Variants in ZNF74 observed in about 807,000 individuals in gnomAD.
ZNF74 encodes the protein zinc finger protein 520.
A neutral mutation model predicts 17.7 loss-of-function variants in ZNF74; 12 were observed. The observed-to-expected ratio is 0.68, with a 90% CI of 0.43 to 1.10. ZNF74 has a LOEUF of 1.10. ZNF74 is among the 50% of genes least tolerant of loss of function. ZNF74 has a pLI of 0.00. For synonymous variants in ZNF74, 358 were observed against 362.1 expected (o/e 0.99, Z 0.13); for missense variants, 811 against 881.0 (o/e 0.92, Z 1.01).
intron 1 of ZNF74, chr22:20,395,112 G>T (rs2052278059): frequency 4.0e-6 from 2 of 494,244 alleles, no homozygotes; most frequent in East Asian, 3.3e-5. Flanking sequence ...GCTTGATTGG[G>T]GGTAGCAGCT....
At chr22:20,395,508 C>T in intron 2 of ZNF74, 90 bp downstream of exon 2, 1 of 985,348 alleles carries the variant, frequency 1.0e-6, no homozygotes, top group Non-Finnish European at 1.6e-6. Context: ...CAGACCTTCA[C>T]CCGGGTACCT....
Position 20,407,272 on chromosome 22 carries a change from T to A in ZNF74, c.*304T>A. 1 of 372,798 alleles carries A rather than the reference T, an allele frequency of 2.7e-6. No homozygotes were observed. The highest frequency in any genetic ancestry group is 4.9e-6 in the Non-Finnish European group (1 of 203,000). 23.1% of individuals were successfully genotyped at this position (372,798 alleles called of 1,614,324 possible). Reference sequence around the variant, plus strand: ...CTTTCTTGCCAATAAAAAGAAGGGATATCGTTGGGTGCCATGGCTCACACC... The same window carrying A: ...CTTTCTTGCCAATAAAAAGAAGGGAAATCGTTGGGTGCCATGGCTCACACC... On this transcript the variant is annotated 3_prime_UTR_variant, in exon 5 of 5. Coordinates refer to ENST00000400451, the MANE Select transcript of ZNF74 (RefSeq NM_003426.4).
At position 20,394,343 on chromosome 22, in the gene ZNF74, G is replaced by C; in HGVS notation, c.-286G>C. On this transcript the variant is annotated 5_prime_UTR_variant, in exon 1 of 5. Coordinates refer to ENST00000400451, the MANE Select transcript of ZNF74 (RefSeq NM_003426.4). ...CTGGTCTCCGAGCGCGGGTTCGCCG[G>C]GAGGAGCGTGTGGCGGGGGTGTGCC... 1 of 694,884 alleles carries C rather than the reference G, an allele frequency of 1.4e-6. No homozygotes were observed. 43.0% of individuals were successfully genotyped at this position (694,884 alleles called of 1,614,324 possible).
intron 1 of ZNF74, chr22:20,394,927 A>G: frequency 2.0e-6 from 1 of 510,642 alleles, no homozygotes; most frequent in Non-Finnish European, 3.5e-6. Context: ...CGCCCGGCTA[A>G]TGTTTGTATT....
Position 20,405,746 on chromosome 22 carries a change from A to G in ZNF74, c.713A>G (p.Gln238Arg). 1 of 1,605,146 alleles carries G rather than the reference A, an allele frequency of 6.2e-7. No individual in the cohort carries two copies. Among genetic ancestry groups the G allele is most frequent in the Non-Finnish European group, 8.5e-7 (1 of 1,176,340 alleles). Residue 238 changes from glutamine to arginine, a missense_variant, in exon 5 of 5, where the codon CAG (glutamine) becomes CGG (arginine). Around this residue, in one of 3 missense-constraint regions of ZNF74, gnomAD observed 666 missense variants for 702.3 expected, o/e 0.95. Coordinates refer to ENST00000400451, the MANE Select transcript of ZNF74 (RefSeq NM_003426.4). The stretch of plus-strand genomic sequence containing the variant: ...GAAAAGTTCCCCCAGGTGCGCCGGC[A>G]GCGCGGGGCGGGCGCCGGGGAGGGC... ...EPEKFPQVRR[Q>R]RGAGAGEGEF...
Position 20,394,310 on chromosome 22 carries a change from G to T in ZNF74, c.-319G>T. The T allele has an allele frequency of 1.4e-6, 1 of 702,374 alleles. No individual in the cohort carries two copies. The allele number at this position is 702,374 out of a possible 1,614,324, so 43.5% of individuals were successfully genotyped here. ...ATGGCTCCTGGCCGCGGAACCTTAG[G>T]CCTGGCCCTGGTCTCCGAGCGCGGG... On this transcript the variant is annotated 5_prime_UTR_variant, in exon 1 of 5. Transcript: ENST00000400451.
rs752701080 is a variant in ZNF74 at position 20,406,870 on chromosome 22, G to A, written c.1837G>A (p.Val613Met). The A allele has an allele frequency of 5.6e-6, 9 of 1,614,088 alleles. No individual in the cohort carries two copies. The highest frequency in any genetic ancestry group is 7.6e-6 in the Non-Finnish European group (9 of 1,180,038). ...LGAGDAGLRD[V>M]DPIDALDVAK... The stretch of plus-strand genomic sequence containing the variant: ...TGCAGGGGATGCTGGACTGAGGGAC[G>A]TGGATCCCATCGACGCGCTGGATGT... Residue 613 changes from valine to methionine, a missense_variant, in exon 5 of 5, where the codon GTG (valine) becomes ATG (methionine). By Grantham distance (21) the Val-to-Met change is conservative (BLOSUM62 1). Coordinates refer to ENST00000400451, the MANE Select transcript of ZNF74 (RefSeq NM_003426.4).
chr22:20,403,860 T>A (rs1017847760), intron 4 of ZNF74, among the ~76,000 whole-genome samples: 19 of 151,536 alleles, frequency 1.3e-4, no homozygotes, highest in Non-Finnish European at 2.5e-4. Context: ...GCCCTCTGAG[T>A]CAGGCATCTG....
chr22:20,405,486 C>A lies in ZNF74; in HGVS notation c.453C>A (p.Arg151=), dbSNP rs1446671553. 6.2e-7 allele frequency: 1 copy of A among 1,608,114 alleles called. No homozygotes were observed. Among genetic ancestry groups the A allele is most frequent in the Non-Finnish European group, 8.5e-7 (1 of 1,178,164 alleles). Residue 151 remains arginine, a synonymous_variant, in exon 5 of 5, where the codon CGC becomes CGA. Transcript: ENST00000400451. ...RPLGGAQAWG[R]QAGALQRSQA... ...TCGGCGGGGCGCAGGCGTGGGGGCG[C>A]CAGGCAGGTGCTCTGCAGAGGAGTC...
Position 20,401,308 on chromosome 22 carries a change from T to A in ZNF74, c.279T>A (p.Ser93=). The A allele has an allele frequency of 6.2e-7, 1 of 1,611,546 alleles. No individual in the cohort carries two copies. Among genetic ancestry groups the A allele is most frequent in the Non-Finnish European group, 8.5e-7 (1 of 1,178,754 alleles). The change falls in exon 4 of 5, where the codon TCT becomes TCA. Residue 93 remains serine (S), a synonymous_variant. Transcript: ENST00000400451. This position sits in a 1 kb window ranked among gnomAD's most constrained non-coding sequence, Gnocchi z 4.2. ...GPPLHKPDVI[S]HLERGEEPWS... ...CACTGCACAAGCCAGATGTGATCTCTCATCTGGAACGAGGCGAGGAGCCAT... is the reference window on the plus strand; with the variant it reads ...CACTGCACAAGCCAGATGTGATCTCACATCTGGAACGAGGCGAGGAGCCAT...
intron 2 of ZNF74, among the ~76,000 whole-genome samples, chr22:20,398,764 A>G (rs1000955966): frequency 6.6e-6 from 1 of 152,188 alleles, no homozygotes; most frequent in East Asian, 1.9e-4. Context: ...TAAGATTGAA[A>G]CATAGATATT....
chr22:20,406,147 C>T lies in ZNF74; in HGVS notation c.1114C>T (p.Arg372Cys), dbSNP rs1035407883. Reference sequence around the variant, plus strand: ...CGAGTGCGGCAAGGCCTTCAACCAGCGTACACACCTCACACGCCACCACCG... The same window carrying T: ...CGAGTGCGGCAAGGCCTTCAACCAGTGTACACACCTCACACGCCACCACCG... ...CGECGKAFNQ[R>C]THLTRHHRIH... Residue 372 changes from arginine to cysteine, a missense_variant, in exon 5 of 5, where the codon CGT becomes TGT. Arg to Cys is a radical substitution (Grantham distance 180, BLOSUM62 -3). Coordinates refer to ENST00000400451, the MANE Select transcript of ZNF74 (RefSeq NM_003426.4). The T allele has an allele frequency of 1.2e-6, 2 of 1,610,954 alleles. No individual in the cohort carries two copies. Among genetic ancestry groups the T allele is most frequent in the East Asian group, 2.2e-5 (1 of 44,588 alleles).
chr22:20,406,671 T>C lies in ZNF74; in HGVS notation c.1638T>C (p.His546=). 4 of 1,614,158 alleles carry C rather than the reference T, an allele frequency of 2.5e-6. No individual in the cohort carries two copies. Among genetic ancestry groups the C allele is most frequent in the Non-Finnish European group, 3.4e-6 (4 of 1,180,038 alleles). Residue 546 remains histidine, a synonymous_variant, in exon 5 of 5, where the codon CAT becomes CAC. Transcript: ENST00000400451. ...GCCAGAACCACTGTCTCATTAAACATCAGAAAATCCACTCCGGGGAGAAGT... is the reference window on the plus strand; with the variant it reads ...GCCAGAACCACTGTCTCATTAAACACCAGAAAATCCACTCCGGGGAGAAGT... ...AFSQNHCLIK[H]QKIHSGEKSF...
chr22:20,402,415 G>A (rs1036503579), intron 4 of ZNF74, among the ~76,000 whole-genome samples: 1 of 152,168 alleles, frequency 6.6e-6, no homozygotes, highest in Non-Finnish European at 1.5e-5. Flanking sequence ...CTGAAATCCT[G>A]CATAATCTTT....
In ZNF74 at chr22:20,395,397, T is replaced by A. The variant is rs776278149; in HGVS notation, c.99T>A (p.Gly33=). 6 of 1,605,814 alleles carry A rather than the reference T, an allele frequency of 3.7e-6. No individual in the cohort carries two copies. In the South Asian group the frequency reaches 6.6e-5, roughly 18 times the overall value. ...KENLEDISGW[G]LPEARSKESV... is the part of the protein sequence containing the mutation. ...ATCTCGAGGATATATCGGGTTGGGG[T>A]CTTCCCGAAGCCAGGTCCAAGGTGA... Residue 33 remains glycine, a synonymous_variant, in exon 2 of 5, where the codon GGT becomes GGA. Coordinates refer to ENST00000400451, the MANE Select transcript of ZNF74 (RefSeq NM_003426.4).
chr22:20,399,475 C>A, intron 2 of ZNF74: 1 of 251,796 alleles, frequency 4.0e-6, no homozygotes, highest in Admixed American at 5.4e-5. Flanking sequence ...CTGTAGCTTG[C>A]TTTTTGAATT....
chr22:20,394,406 G>T lies in ZNF74; in HGVS notation c.-223G>T, dbSNP rs892851228. 4.7e-6 allele frequency: 3 copies of T among 644,522 alleles called. No individual in the cohort carries two copies. In the African/African-American group the frequency reaches 5.5e-5, roughly 12 times the overall value. The allele number at this position is 644,522 out of a possible 1,614,324, so 39.9% of individuals were successfully genotyped here. A position where few individuals can be genotyped will look rare whatever the true frequency, so the allele number is the denominator to read the frequency against. ...CGCCGAGCATGGGGCTGAGCCTGGT[G>T]TGGGGAGTGGGTATCTGCGGAGCCG... On this transcript the variant is annotated 5_prime_UTR_variant, in exon 1 of 5. Transcript: ENST00000400451.
chr22:20,394,974 TG>T (rs971556610), intron 1 of ZNF74: 2 of 458,642 alleles, frequency 4.4e-6, no homozygotes, highest in Non-Finnish European at 7.8e-6. Context: ...TTTCCCAGGC[TG>T]GTCTTAAGCT....
intron 2 of ZNF74, among the ~76,000 whole-genome samples, chr22:20,399,135 T>C (rs1053903565): frequency 2.6e-5 from 4 of 152,222 alleles, no homozygotes; most frequent in Non-Finnish European, 4.4e-5. Context: ...AAAAAATATG[T>C]ATTATGCCTT....
Sources: allele counts gnomAD v4.1 joint callset (sites outside exome capture counted in the v4.1 genomes callset), GRCh38; gene constraint gnomAD v4.1.1; regional missense constraint gnomAD v4.1.1; non-coding constraint Gnocchi (gnomAD v3.1); transcripts MANE v1.5; gene names NCBI Gene and HGNC (gene_info 2026-07-23, HGNC 2026-07-21).